PDE3B: variants seen among roughly 807,000 people sequenced by gnomAD.
PDE3B encodes cGMP-inhibited 3',5'-cyclic phosphodiesterase 3B.
In PDE3B, 66 loss-of-function variants were observed where a neutral mutation model predicts 116.8. That is an observed-to-expected ratio of 0.56 (90% CI 0.46 to 0.69). PDE3B has a LOEUF of 0.69. Ranked by LOEUF, PDE3B falls within the 30% of genes least tolerant of loss-of-function variation. The pLI is 0.00. For missense variants in PDE3B, 1,384 were observed against 1,368.1 expected (o/e 1.01, Z -0.18); for synonymous variants, 595 against 533.6 (o/e 1.12, Z -1.59).
intron 1 of PDE3B, among the ~76,000 whole-genome samples, chr11:14,732,393 C>G (rs758604442): frequency 3.3e-5 from 5 of 152,220 alleles, no homozygotes; most frequent in East Asian, 1.9e-4. Flanking sequence ...GTTTGAGCAA[C>G]TATAGTTTAA....
At chr11:14,688,072 ATTTTCTTTCT>A (rs1854926400) in intron 1 of PDE3B, among the ~76,000 whole-genome samples, 1 of 148,300 alleles carries the variant, frequency 6.7e-6, no homozygotes, top group Non-Finnish European at 1.5e-5. Context: ...TTGAATTAAA[ATTTTCTTTCT>A]TTTTCTTTCT....
At chr11:14,787,435 A>G (rs1337204462) in intron 3 of PDE3B, among the ~76,000 whole-genome samples, 2 of 152,008 alleles carry the variant, frequency 1.3e-5, no homozygotes, top group African/African-American at 4.8e-5. Flanking sequence ...AAGAGAAGAC[A>G]AAATTTATTT....
intron 13 of PDE3B, among the ~76,000 whole-genome samples, chr11:14,859,586 T>C (rs1847910343): frequency 6.6e-6 from 1 of 152,210 alleles, no homozygotes; most frequent in Non-Finnish European, 1.5e-5. Flanking sequence ...AAAGCCATGC[T>C]CAGTGTCAAG....
At chr11:14,685,636 A>G (rs1039183262) in intron 1 of PDE3B, among the ~76,000 whole-genome samples, 1 of 151,400 alleles carries the variant, frequency 6.6e-6, no homozygotes, top group East Asian at 1.9e-4. Flanking sequence ...TTGTATTTTT[A>G]GTAGAGACAG....
intron 1 of PDE3B, among the ~76,000 whole-genome samples, chr11:14,668,309 C>G (rs1009730349): frequency 2.0e-5 from 3 of 152,100 alleles, no homozygotes; most frequent in African/African-American, 4.8e-5. Context: ...AGCCTCTATA[C>G]AATCTAAGGA....
Position 14,742,526 on chromosome 11 carries a change from G to A in PDE3B, c.979-29411G>A, listed in dbSNP as rs191884879. On this transcript the variant is annotated intron_variant, in intron 1 of 15. Coordinates refer to ENST00000282096, the MANE Select transcript of PDE3B (RefSeq NM_000922.4). The stretch of plus-strand genomic sequence containing the variant: ...TTCTTAGCTTCCTTGCTTTGGGTTA[G>A]GACATGCTCCTTTAGCTCAGAATCG... Among the ~76,000 whole-genome samples the A allele has an allele frequency of 2.9e-4, 44 of 152,230 alleles. 1 individual carries two copies. The East Asian group carries it at 7.2e-3, about 25-fold the overall frequency.
At chr11:14,769,948 A>G (rs553921615) in intron 1 of PDE3B, among the ~76,000 whole-genome samples, 2 of 151,416 alleles carry the variant, frequency 1.3e-5, no homozygotes, top group African/African-American at 2.4e-5. Context: ...ATGTAGGTCA[A>G]TGAAGTGGGG....
At chr11:14,674,608 T>C in intron 1 of PDE3B, 1 of 306,954 alleles carries the variant, frequency 3.3e-6, no homozygotes, top group South Asian at 3.1e-5. Flanking sequence ...ACTAAAACTT[T>C]ACTAACTTTG....
chr11:14,780,951 A>G (rs1228680746), intron 2 of PDE3B, among the ~76,000 whole-genome samples: 8 of 152,196 alleles, frequency 5.3e-5, no homozygotes. Context: ...AGAAGAATCA[A>G]ATAGACGTAA....
At chr11:14,665,279 G>C (rs1003385088) in intron 1 of PDE3B, among the ~76,000 whole-genome samples, 80 of 152,046 alleles carry the variant, frequency 5.3e-4, no homozygotes, top group African/African-American at 1.9e-3. Context: ...AAAATAATAA[G>C]AGCTATCTAT....
At chr11:14,704,651 A>T (rs1855476356) in intron 1 of PDE3B, among the ~76,000 whole-genome samples, 1 of 151,874 alleles carries the variant, frequency 6.6e-6, no homozygotes, top group African/African-American at 2.4e-5. Flanking sequence ...TCAAAGGAGG[A>T]AGTAATAATA....
intron 1 of PDE3B, among the ~76,000 whole-genome samples, chr11:14,722,276 G>A (rs1390231304): frequency 1.3e-5 from 2 of 151,502 alleles, no homozygotes; most frequent in African/African-American, 4.8e-5. Context: ...AAACCTGCAC[G>A]TTGTGCACAT....
intron 13 of PDE3B, among the ~76,000 whole-genome samples, chr11:14,860,254 G>T (rs1242929369): frequency 6.6e-6 from 1 of 152,096 alleles, no homozygotes; most frequent in Admixed American, 6.5e-5. Flanking sequence ...ATTCCTTAAA[G>T]ACTTCTATTT....
downstream of PDE3B, among the ~76,000 whole-genome samples, chr11:14,874,093 G>A (rs1392796762): frequency 6.6e-6 from 1 of 152,124 alleles, no homozygotes; most frequent in Non-Finnish European, 1.5e-5. Flanking sequence ...GTGTGGTATT[G>A]TAACTATTAT....
In PDE3B at chr11:14,644,925, GA is replaced by G; in HGVS notation, c.855del (p.Val286CysfsTer3). The G allele has an allele frequency of 6.2e-7, 1 of 1,614,188 alleles. No homozygotes were observed. The highest frequency in any genetic ancestry group is 8.5e-7 in the Non-Finnish European group (1 of 1,180,040). On this transcript the variant is annotated frameshift_variant, in exon 1 of 16. Coordinates refer to ENST00000282096, the MANE Select transcript of PDE3B (RefSeq NM_000922.4). LOFTEE classifies it high-confidence loss of function. ...TCCTCGACTGTCCAGTGCCGCCGAAGAAAAAGTGCCTGTGATCCGACCCCGG... is the reference window on the plus strand; with the variant it reads ...TCCTCGACTGTCCAGTGCCGCCGAAGAAAAGTGCCTGTGATCCGACCCCGG... Reference protein sequence around the residue: ...LHPRLSSAAEEKVPVIRPRRR... With the variant: ...LHPRLSSAAEXKVPVIRPRRR...
chr11:14,650,404 G>A (rs550067673), intron 1 of PDE3B, among the ~76,000 whole-genome samples: 2 of 151,990 alleles, frequency 1.3e-5, no homozygotes, highest in South Asian at 2.1e-4. Flanking sequence ...AAGGGGTTTC[G>A]CTGTGTTGCC....
chr11:14,684,425 A>G (rs1854805926), intron 1 of PDE3B, among the ~76,000 whole-genome samples: 1 of 152,186 alleles, frequency 6.6e-6, no homozygotes, highest in Non-Finnish European at 1.5e-5. Flanking sequence ...ACATGCTTCA[A>G]AGGGCAAAAA....
At chr11:14,706,770 A>G (rs541532993) in intron 1 of PDE3B, among the ~76,000 whole-genome samples, 9 of 152,128 alleles carry the variant, frequency 5.9e-5, no homozygotes, top group African/African-American at 1.9e-4. Context: ...AGATAGGAGC[A>G]TTGTTAATTC....
intron 1 of PDE3B, among the ~76,000 whole-genome samples, chr11:14,729,713 T>C (rs1004621925): frequency 6.6e-6 from 1 of 152,214 alleles, no homozygotes; most frequent in East Asian, 1.9e-4. Context: ...GTATGATTAA[T>C]CTCTATGTGC....
Sources: allele counts gnomAD v4.1 joint callset (sites outside exome capture counted in the v4.1 genomes callset), GRCh38; gene constraint gnomAD v4.1.1; transcripts MANE v1.5; gene names NCBI Gene and HGNC (gene_info 2026-07-23, HGNC 2026-07-21).